SYT14: variants seen among roughly 807,000 people sequenced by gnomAD.
SYT14 encodes the protein synaptotagmin 14, also known as synaptotagmin-14.
Under a neutral mutation model 74.2 loss-of-function variants are expected in SYT14, and 32 were observed. That is an observed-to-expected ratio of 0.43 (90% CI 0.33 to 0.58). The LOEUF (loss-of-function observed/expected upper bound fraction) is 0.58. Among genes scored for constraint, SYT14 ranks in the 20% least tolerant of loss-of-function variants. The pLI is 0.05. For synonymous variants in SYT14, 298 were observed against 337.7 expected, an observed-to-expected ratio of 0.88 and a Z score of 1.29; for missense variants, 791 against 981.8, an observed-to-expected ratio of 0.81 and a Z score of 2.60.
At chr1:210,141,037 T>C (rs1377777449) in intron 7 of SYT14, among the ~76,000 whole-genome samples, 1 of 138,784 alleles carries the variant, frequency 7.2e-6, no homozygotes, top group Non-Finnish European at 1.5e-5. Context: ...ATTGACTTCT[T>C]TGTTTCTGCA....
At chr1:210,009,183 C>T (rs2102905771) in intron 2 of SYT14, among the ~76,000 whole-genome samples, 1 of 152,158 alleles carries the variant, frequency 6.6e-6, no homozygotes. Flanking sequence ...AGTGTATATC[C>T]TATTGCAGTT....
At chr1:210,048,281 G>T (rs1190138849) in intron 5 of SYT14, among the ~76,000 whole-genome samples, 1 of 151,994 alleles carries the variant, frequency 6.6e-6, no homozygotes, top group Non-Finnish European at 1.5e-5. Flanking sequence ...ACATCTTTTT[G>T]ATCTGTATGT....
chr1:210,095,513 C>G (rs541099258), intron 6 of SYT14, among the ~76,000 whole-genome samples: 27 of 152,190 alleles, frequency 1.8e-4, no homozygotes, highest in Non-Finnish European at 3.4e-4. Context: ...TTCAGCCTCC[C>G]AAAGTGCTGG....
At chr1:210,052,976 A>G (rs1346451786) in intron 5 of SYT14, among the ~76,000 whole-genome samples, 2 of 152,124 alleles carry the variant, frequency 1.3e-5, no homozygotes, top group East Asian at 3.8e-4. Flanking sequence ...GACTACTACT[A>G]GTATTACAAT....
At chr1:210,028,083 G>C (rs1376274231) in intron 5 of SYT14, among the ~76,000 whole-genome samples, 1 of 151,950 alleles carries the variant, frequency 6.6e-6, no homozygotes, top group Non-Finnish European at 1.5e-5. Context: ...CCCAGCCTCT[G>C]ATAACCAATA....
intron 2 of SYT14, among the ~76,000 whole-genome samples, chr1:209,963,972 A>G (rs2079114827): frequency 6.6e-6 from 1 of 152,124 alleles, no homozygotes; most frequent in Non-Finnish European, 1.5e-5. Flanking sequence ...TTCCCTGACA[A>G]TTTGCAATAC....
chr1:210,118,301 A>C lies in SYT14; in HGVS notation c.2034+17840A>C, dbSNP rs145401024. 7.9e-3 allele frequency among the ~76,000 whole-genome samples: 1,202 copies of C among 152,270 alleles called. 19 individuals carry two copies. Among genetic ancestry groups the C allele is most frequent in the African/African-American group, 0.028 (1,143 of 41,550 alleles). ...ATAGGGAGACAACATTCAAATTCTAAATATTAACTGTTATTTCAAAAATTA... is the reference window on the plus strand; with the variant it reads ...ATAGGGAGACAACATTCAAATTCTACATATTAACTGTTATTTCAAAAATTA... On this transcript the variant is annotated intron_variant, in intron 7 of 9. Coordinates refer to ENST00000637265, the Ensembl canonical transcript of SYT14.
intron 7 of SYT14, among the ~76,000 whole-genome samples, chr1:210,144,796 TATAAC>T (rs1475580618): frequency 7.2e-5 from 11 of 152,132 alleles, no homozygotes; most frequent in African/African-American, 1.4e-4. Flanking sequence ...AAAGGGAACA[TATAAC>T]ATAATTGGAT....
intron 2 of SYT14, among the ~76,000 whole-genome samples, chr1:209,979,726 T>C (rs1178033565): frequency 6.6e-6 from 1 of 152,172 alleles, no homozygotes; most frequent in East Asian, 1.9e-4. Context: ...GTTCCTGGGT[T>C]TGTTTGCTGA....
At chr1:210,038,243 C>T (rs966112862) in intron 5 of SYT14, among the ~76,000 whole-genome samples, 2 of 152,062 alleles carry the variant, frequency 1.3e-5, no homozygotes, top group African/African-American at 2.4e-5. Flanking sequence ...TATTCCTACT[C>T]ACTTTTGGCT....
chr1:210,125,440 C>T (rs989275731), intron 7 of SYT14, among the ~76,000 whole-genome samples: 20 of 152,152 alleles, frequency 1.3e-4, no homozygotes, highest in South Asian at 6.2e-4. Context: ...GCTAGTTTAC[C>T]GCTTCATGTG....
intron 7 of SYT14, among the ~76,000 whole-genome samples, chr1:210,115,547 G>A (rs1225828122): frequency 2.0e-5 from 3 of 151,318 alleles, no homozygotes; most frequent in African/African-American, 4.9e-5. Context: ...TGGGTTCATG[G>A]ATAAAATGTG....
intron 5 of SYT14, among the ~76,000 whole-genome samples, chr1:210,037,850 G>A (rs1410344216): frequency 1.3e-5 from 2 of 151,880 alleles, no homozygotes; most frequent in Non-Finnish European, 1.5e-5. Flanking sequence ...TTGTTTTGTG[G>A]CCTACTATAT....
chr1:209,956,560 G>T (rs2078996209), intron 2 of SYT14, among the ~76,000 whole-genome samples: 1 of 152,156 alleles, frequency 6.6e-6, no homozygotes, highest in African/African-American at 2.4e-5. Context: ...AGATTACCAT[G>T]TCAATAATTC....
intron 5 of SYT14, among the ~76,000 whole-genome samples, chr1:210,085,048 C>G (rs1178959697): frequency 6.6e-6 from 1 of 152,170 alleles, no homozygotes; most frequent in East Asian, 1.9e-4. Context: ...AGTTTGGATT[C>G]CACCAATTGC....
intron 5 of SYT14, among the ~76,000 whole-genome samples, chr1:210,059,451 T>TATATATATATATATATAGAGAG (rs377050610): frequency 1.7e-4 from 12 of 69,904 alleles, no homozygotes; most frequent in East Asian, 4.3e-4. Context: ...TATATATATA[T>TATATATATATATATATAGAGAG]AGAGAGAGAG....
intron 5 of SYT14, among the ~76,000 whole-genome samples, chr1:210,072,488 C>T (rs1408996029): frequency 6.6e-6 from 1 of 151,628 alleles, no homozygotes; most frequent in Admixed American, 6.6e-5. Flanking sequence ...TAAATGCTGC[C>T]CATAGTATTA....
intron 5 of SYT14, among the ~76,000 whole-genome samples, chr1:210,074,139 T>C (rs2081446303): frequency 2.0e-5 from 3 of 152,208 alleles, no homozygotes; most frequent in South Asian, 4.1e-4. Context: ...GAGCCTCACC[T>C]ACCTCAGGGG....
chr1:210,094,640 A>T (rs780007174), intron 6 of SYT14, 47 bp downstream of exon 5: 4 of 1,596,018 alleles, frequency 2.5e-6, no homozygotes, highest in Non-Finnish European at 3.4e-6. Flanking sequence ...TATTTGGAGG[A>T]TAATAATCCT....
Sources: allele counts gnomAD v4.1 joint callset (sites outside exome capture counted in the v4.1 genomes callset), GRCh38; gene constraint gnomAD v4.1.1; transcripts MANE v1.5; gene names NCBI Gene and HGNC (gene_info 2026-07-23, HGNC 2026-07-21).